ANK3: variants seen among roughly 807,000 people sequenced by gnomAD.
The protein encoded by ANK3 is ankyrin-3.
A neutral mutation model predicts 370.9 loss-of-function variants in ANK3; 57 were observed. The observed-to-expected ratio is 0.15, with a 90% CI of 0.12 to 0.19. ANK3 has a LOEUF of 0.19. Among genes scored for constraint, ANK3 ranks in the 10% least tolerant of loss-of-function variants. The pLI is 1.00. For missense variants in ANK3, 4,439 were observed against 5,302.1 expected, an observed-to-expected ratio of 0.84 and a Z score of 5.06; for synonymous variants, 1,929 against 1,946.3, an observed-to-expected ratio of 0.99 and a Z score of 0.23.
At chr10:60,093,226 T>C (rs2089139506) in intron 28 of ANK3, among the ~76,000 whole-genome samples, 1 of 152,200 alleles carries the variant, frequency 6.6e-6, no homozygotes, top group Non-Finnish European at 1.5e-5. Flanking sequence ...AGTTCATAAC[T>C]CATGCTGCAA....
chr10:60,438,019 T>C (rs755024714), intron 2 of ANK3, among the ~76,000 whole-genome samples: 6 of 152,136 alleles, frequency 3.9e-5, no homozygotes, highest in Non-Finnish European at 8.8e-5. Flanking sequence ...TTTTTCCAAA[T>C]GGAAAAGCTG....
chr10:60,456,253 G>T (rs1235039726), intron 2 of ANK3, among the ~76,000 whole-genome samples: 1 of 152,176 alleles, frequency 6.6e-6, no homozygotes, highest in African/African-American at 2.4e-5. Context: ...AGCTGCCAGC[G>T]CCCCCTTTGG....
At chr10:60,685,036 G>A (rs1010317829) in intron 1 of ANK3, 3 of 1,500,914 alleles carry the variant, frequency 2.0e-6, no homozygotes, top group Non-Finnish European at 2.7e-6. Flanking sequence ...CCTAAAGGAA[G>A]GACTTGAGAA....
intron 43 of ANK3, among the ~76,000 whole-genome samples, chr10:60,039,765 T>A (rs2075777755): frequency 6.6e-6 from 1 of 152,186 alleles, no homozygotes; most frequent in African/African-American, 2.4e-5. Context: ...TTTGGGGATT[T>A]CCTAAGGTTA....
chr10:60,077,079 G>A (rs2084011019), intron 36 of ANK3, among the ~76,000 whole-genome samples: 1 of 152,180 alleles, frequency 6.6e-6, no homozygotes, highest in Admixed American at 6.5e-5. Context: ...GGCAACTGAT[G>A]TGCAAACTGT....
intron 1 of ANK3, among the ~76,000 whole-genome samples, chr10:60,280,104 C>T (rs1358740312): frequency 6.6e-6 from 1 of 152,192 alleles, no homozygotes; most frequent in Non-Finnish European, 1.5e-5. Context: ...CACTTTGTTG[C>T]TCTGGCTGGA....
In ANK3 at chr10:60,300,562, T is replaced by A. The variant is rs554529192; in HGVS notation, c.115-20923A>T. 3.1e-5 allele frequency: 37 copies of A among 1,192,956 alleles called. No homozygotes were observed. In the East Asian group the frequency reaches 1.0e-3, roughly 34 times the overall value. The allele number at this position is 1,192,956 out of a possible 1,614,324, so 73.9% of individuals were successfully genotyped here. On this transcript the variant is annotated intron_variant, in intron 1 of 43. Transcript: ENST00000280772. ...AGTACAGAATCCGCCTGGGCCCTTA[T>A]AAACAGCATAGTACCTCCCAGAATT...
rs2072445716 is a variant in ANK3 at position 60,027,232 on chromosome 10, A to AAGTT, written c.*2610_*2613dup. The AAGTT allele has an allele frequency of 6.6e-6, 1 of 151,274 alleles. No homozygotes were observed. The highest frequency in any genetic ancestry group is 2.4e-5 in the African/African-American group (1 of 41,164). 9.4% of individuals were successfully genotyped at this position (151,274 alleles called of 1,614,324 possible). ...CAGAAATTCGTAACTCTTAGATAGG[A>AAGTT]AGTTAGGACACCTATATTCTGATCC... On this transcript the variant is annotated 3_prime_UTR_variant, in exon 44 of 44. Coordinates refer to ENST00000280772, the MANE Select transcript of ANK3 (RefSeq NM_020987.5).
chr10:60,061,547 C>A (rs1030605579), intron 40 of ANK3, among the ~76,000 whole-genome samples: 1 of 152,010 alleles, frequency 6.6e-6, no homozygotes, highest in Non-Finnish European at 1.5e-5. Flanking sequence ...ATAAGATGAT[C>A]TATATTTATC....
intron 1 of ANK3, among the ~76,000 whole-genome samples, chr10:60,683,080 G>C (rs1023587196): frequency 2.0e-5 from 3 of 152,076 alleles, no homozygotes; most frequent in African/African-American, 7.2e-5. Context: ...GACACCAGCT[G>C]GTGTCCAGGC....
intron 1 of ANK3, among the ~76,000 whole-genome samples, chr10:60,721,530 T>A (rs1051614262): frequency 5.3e-5 from 8 of 152,208 alleles, no homozygotes; most frequent in African/African-American, 1.9e-4. Context: ...AAAAGGTTTT[T>A]AAACAGAGGA....
chr10:60,234,396 T>C (rs1321900720), intron 8 of ANK3, among the ~76,000 whole-genome samples: 1 of 152,188 alleles, frequency 6.6e-6, no homozygotes, highest in African/African-American at 2.4e-5. Flanking sequence ...AACTTGCAGT[T>C]TTAGTATCAA....
In ANK3 at chr10:60,042,619, A is replaced by T. The variant is rs1304433847; in HGVS notation, c.*19+53T>A. The T allele has an allele frequency of 2.5e-4, 378 of 1,507,958 alleles. 1 individual carries two copies. The highest frequency in any genetic ancestry group is 2.8e-4 in the Non-Finnish European group (311 of 1,098,744). The allele number at this position is 1,507,958 out of a possible 1,614,324, so 93.4% of individuals were successfully genotyped here. ...CAGAATCACTTATTTAGTGAAAAAT[A>T]TAAGTTTCACAGGAATTTAAGTCCT... On this transcript the variant is annotated intron_variant, in intron 43 of 43. Transcript: ENST00000280772.
intron 2 of ANK3, among the ~76,000 whole-genome samples, chr10:60,400,186 TTCAG>T (rs1224240173): frequency 6.6e-6 from 1 of 152,150 alleles, no homozygotes; most frequent in African/African-American, 2.4e-5. Flanking sequence ...CAGTGAGCTC[TTCAG>T]TCAGACTGGT....
intron 2 of ANK3, among the ~76,000 whole-genome samples, chr10:60,576,502 G>T (rs1243675974): frequency 6.6e-6 from 1 of 152,146 alleles, no homozygotes; most frequent in African/African-American, 2.4e-5. Context: ...TTGTTTGACT[G>T]ACATGAAGGT....
chr10:60,047,887 T>C (rs971617240), intron 42 of ANK3, among the ~76,000 whole-genome samples: 1 of 152,158 alleles, frequency 6.6e-6, no homozygotes, highest in Non-Finnish European at 1.5e-5. Context: ...TCAAATTGTA[T>C]AGAGATCAGA....
At chr10:60,277,285 G>T (rs2098105292) in intron 4 of ANK3, among the ~76,000 whole-genome samples, 1 of 152,076 alleles carries the variant, frequency 6.6e-6, no homozygotes, top group Non-Finnish European at 1.5e-5. Flanking sequence ...AAAATCAAGT[G>T]CATTTAAAAT....
At chr10:60,136,587 A>G (rs995306140) in intron 24 of ANK3, among the ~76,000 whole-genome samples, 1 of 152,236 alleles carries the variant, frequency 6.6e-6, no homozygotes. Flanking sequence ...TTTTAAATGT[A>G]TCTAAACTTT....
intron 2 of ANK3, among the ~76,000 whole-genome samples, chr10:60,553,848 T>C (rs1011735578): frequency 6.6e-6 from 1 of 152,236 alleles, no homozygotes. Flanking sequence ...TGATAACTGA[T>C]TATGGCAACT....
Sources: gnomAD v4.1 joint callset for allele counts (sites outside exome capture counted in the v4.1 genomes callset) on GRCh38, gnomAD v4.1.1 for gene constraint, MANE v1.5 for transcripts, NCBI Gene and HGNC (gene_info 2026-07-23, HGNC 2026-07-21) for gene names.